Variants in LRP5 observed in about 807,000 individuals in gnomAD.
LRP5 encodes LDL receptor related protein 5, also known as low-density lipoprotein receptor-related protein 5.
A neutral mutation model predicts 154.1 loss-of-function variants in LRP5; 62 were observed. The ratio of observed to expected loss-of-function variants is 0.40; its 90% confidence interval spans 0.33 to 0.50. The LOEUF is 0.50. LRP5 is among the 20% of genes least tolerant of loss of function. LRP5 has a pLI of 0.55. For synonymous variants in LRP5, 966 were observed against 1,011.5 expected (o/e 0.96, Z 0.85); for missense variants, 1,915 against 2,336.7 (o/e 0.82, Z 3.72).
chr11:68,404,605 G>A (rs541339596), intron 8 of LRP5, among the ~76,000 whole-genome samples: 1 of 152,104 alleles, frequency 6.6e-6, no homozygotes, highest in African/African-American at 2.4e-5. Context: ...GGCCTTCATC[G>A]CACCCTGCAG....
intron 1 of LRP5, among the ~76,000 whole-genome samples, chr11:68,338,074 T>C (rs1485529679): frequency 6.6e-6 from 1 of 152,172 alleles, no homozygotes; most frequent in Non-Finnish European, 1.5e-5. Flanking sequence ...GCAGGCTCCT[T>C]GACTCTGGAG....
intron 7 of LRP5, among the ~76,000 whole-genome samples, chr11:68,393,826 C>G (rs987027689): frequency 6.6e-6 from 1 of 152,156 alleles, no homozygotes; most frequent in Non-Finnish European, 1.5e-5. Flanking sequence ...TTAAAACATT[C>G]ATCACAGCCA....
rs1039528493 is a variant in LRP5, at chr11:68,342,707, G to A, written c.92-5140G>A. ...CCTGGCTGTGCCCACAGATGTCCCT[G>A]GGGCCTGCCGCTCCTGCCCGGCTCT... On this transcript the variant is annotated intron_variant, in intron 1 of 22. Coordinates refer to ENST00000294304, the MANE Select transcript of LRP5 (RefSeq NM_002335.4). 3.9e-5 allele frequency among the ~76,000 whole-genome samples: 6 copies of A among 152,236 alleles called. No homozygotes were observed. In the East Asian group the frequency reaches 1.2e-3, roughly 29 times the overall value.
At position 68,357,845 on chromosome 11, in the gene LRP5, C is replaced by T. The variant is rs2098624458; in HGVS notation, c.684C>T (p.Phe228=). ...ACCGTGCCAACCTGGACGGCTCGTT[C>T]CGGTAGGTACCCACGCAGTCCTGGG... ...FIHRANLDGS[F]RQKVVEGSLT... is the part of the protein sequence containing the mutation. Residue 228 remains phenylalanine (F), a splice_region_variant and synonymous_variant, in exon 3 of 23, where the codon TTC becomes TTT. Coordinates refer to ENST00000294304, the MANE Select transcript of LRP5 (RefSeq NM_002335.4). 1 of 1,610,518 alleles carries T rather than the reference C, an allele frequency of 6.2e-7. No individual in the cohort carries two copies. The highest frequency in any genetic ancestry group is 1.3e-5 in the African/African-American group (1 of 74,794).
chr11:68,355,556 G>A (rs192467468), intron 2 of LRP5, among the ~76,000 whole-genome samples: 2 of 152,296 alleles, frequency 1.3e-5, no homozygotes, highest in South Asian at 2.1e-4. Context: ...TCTGGTCTCC[G>A]CTGAGAGTCA....
chr11:68,438,529 G>A lies in LRP5; in HGVS notation c.4195G>A (p.Val1399Ile), dbSNP rs113315676. ...PVIGIILSLFVMGGVYFVCQR... is the reference protein window; with the variant it reads ...PVIGIILSLFIMGGVYFVCQR... Reference sequence around the variant, plus strand: ...CATTGGCATCATCCTCTCTCTCTTCGTCATGGGTGGTGTCTATTTTGTGTG... The same window carrying A: ...CATTGGCATCATCCTCTCTCTCTTCATCATGGGTGGTGTCTATTTTGTGTG... Residue 1399 changes from valine to isoleucine, a missense_variant, in exon 20 of 23, where the codon GTC becomes ATC. This residue lies in a region of LRP5 where 1,094 missense variants were observed against 1,210.1 expected (regional missense o/e 0.90). Coordinates refer to ENST00000294304, the MANE Select transcript of LRP5 (RefSeq NM_002335.4). 1.7e-4 allele frequency: 281 copies of A among 1,614,192 alleles called. No individual in the cohort carries two copies. The African/African-American group carries it at 3.4e-3, about 19-fold the overall frequency.
At chr11:68,444,821 TCTGCTGCCTCC>T (rs1317722457) in intron 21 of LRP5, among the ~76,000 whole-genome samples, 1 of 152,032 alleles carries the variant, frequency 6.6e-6, no homozygotes, top group Non-Finnish European at 1.5e-5. Context: ...GGAAGCCCTC[TCTGCTGCCTCC>T]CTGCCTGCTC....
Position 68,312,668 on chromosome 11 carries a change from T to G in LRP5, c.-47T>G. The G allele has an allele frequency of 3.4e-6, 3 of 872,906 alleles. No homozygotes were observed. Among genetic ancestry groups the G allele is most frequent in the Non-Finnish European group, 4.1e-6 (3 of 727,400 alleles). 54.1% of individuals were successfully genotyped at this position (872,906 alleles called of 1,614,324 possible). On this transcript the variant is annotated 5_prime_UTR_variant, in exon 1 of 23. The change abolishes an upstream ATG in the 5' untranslated region. Coordinates refer to ENST00000294304, the MANE Select transcript of LRP5 (RefSeq NM_002335.4). ...GCGAGGAGCCGCCGCCGCCGCGCCA[T>G]GGAGCCCGAGTGAGCGCGGCGCGGG...
Position 68,413,619 on chromosome 11 carries a change from C to G in LRP5, c.2504-70C>G. The G allele has an allele frequency of 7.0e-7, 1 of 1,429,724 alleles. No homozygotes were observed. The highest frequency in any genetic ancestry group is 9.8e-7 in the Non-Finnish European group (1 of 1,015,828). The allele number at this position is 1,429,724 out of a possible 1,614,324, so 88.6% of individuals were successfully genotyped here. On this transcript the variant is annotated intron_variant, in intron 11 of 22. Coordinates refer to ENST00000294304, the MANE Select transcript of LRP5 (RefSeq NM_002335.4). This position sits in a 1 kb window ranked among gnomAD's most constrained non-coding sequence, Gnocchi z 5.1. ...TGCAGGGTTGAACCCTGGCTCACCCCGCAGGGCGCCGTGTGCTCTGTGGCC... is the reference window on the plus strand; with the variant it reads ...TGCAGGGTTGAACCCTGGCTCACCCGGCAGGGCGCCGTGTGCTCTGTGGCC...
chr11:68,316,061 A>G (rs2098593183), intron 1 of LRP5, among the ~76,000 whole-genome samples: 1 of 152,156 alleles, frequency 6.6e-6, no homozygotes, highest in South Asian at 2.1e-4. Flanking sequence ...CCATCACCCC[A>G]AAATAAAACC....
the LRP5 span, among the ~76,000 whole-genome samples, chr11:68,306,387 C>T: frequency 0.054 from 8,153 of 152,142 alleles, 281 homozygotes; most frequent in Middle Eastern, 0.088. Flanking sequence ...CCACCCACCT[C>T]GGCCTCTCAA....
At position 68,386,157 on chromosome 11, in the gene LRP5, G is replaced by A. The variant is rs1240943029; in HGVS notation, c.1016-159G>A. On this transcript the variant is annotated intron_variant, in intron 5 of 22. Coordinates refer to ENST00000294304, the MANE Select transcript of LRP5 (RefSeq NM_002335.4). The surrounding 1 kb of genome is among the most constrained non-coding windows in gnomAD (Gnocchi z 7.9). ...GTCATGAGGATGAACGAGTGACCAT[G>A]TAGCATGGGCTGGGTGCGTGTCACC... 6.6e-6 allele frequency among the ~76,000 whole-genome samples: 1 copy of A among 152,176 alleles called. No homozygotes were observed. The highest frequency in any genetic ancestry group is 2.4e-5 in the African/African-American group (1 of 41,448).
intron 2 of LRP5, among the ~76,000 whole-genome samples, chr11:68,355,706 C>A (rs2098622586): frequency 6.6e-6 from 1 of 152,180 alleles, no homozygotes; most frequent in Non-Finnish European, 1.5e-5. Context: ...CGTAAGGGCG[C>A]CCTGAGGATG....
In LRP5 at chr11:68,372,430, G is replaced by GTGT; in HGVS notation, c.1015+6728_1015+6729insTGT. ...GTCAGGCAGACCCGGGACCGTGGCGGCGAGGAGGTGCAGCGTCAGGCGGAC... is the reference window on the plus strand; with the variant it reads ...GTCAGGCAGACCCGGGACCGTGGCGGTGTCGAGGAGGTGCAGCGTCAGGCGGAC... On this transcript the variant is annotated intron_variant, in intron 5 of 22. Transcript: ENST00000294304. 2.0e-5 allele frequency among the ~76,000 whole-genome samples: 3 copies of GTGT among 146,506 alleles called. No individual in the cohort carries two copies. The South Asian group carries it at 6.5e-4, about 32-fold the overall frequency.
Position 68,345,940 on chromosome 11 carries a change from A to T in LRP5, c.92-1907A>T, listed in dbSNP as rs377599428. 1.1e-3 allele frequency among the ~76,000 whole-genome samples: 163 copies of T among 152,060 alleles called. 1 individual carries two copies. In the South Asian group the frequency reaches 0.013, roughly 12 times the overall value. On this transcript the variant is annotated intron_variant, in intron 1 of 22. Coordinates refer to ENST00000294304, the MANE Select transcript of LRP5 (RefSeq NM_002335.4). ...TTAGGGATATATTAAGCCTGTTTTGATGTGTTTATTGGCCATTTATATGTC... is the reference window on the plus strand; with the variant it reads ...TTAGGGATATATTAAGCCTGTTTTGTTGTGTTTATTGGCCATTTATATGTC...
Position 68,312,772 on chromosome 11 carries a change from C to T in LRP5, c.58C>T (p.Leu20=). 9.2e-7 allele frequency: 1 copy of T among 1,090,190 alleles called. No homozygotes were observed. Among genetic ancestry groups the T allele is most frequent in the Non-Finnish European group, 1.1e-6 (1 of 892,190 alleles). The allele number at this position is 1,090,190 out of a possible 1,614,324, so 67.5% of individuals were successfully genotyped here. A position where few individuals can be genotyped will look rare whatever the true frequency, so the allele number is the denominator to read the frequency against. ...WPLLLLLLLL[L]ALCGCPAPAA... is the part of the protein sequence containing the mutation. ...GCTGCTGCTGCTGCTGCTGCTGCTG[C>T]TGGCGCTGTGCGGCTGCCCGGCCCC... The change falls in exon 1 of 23, where the codon CTG becomes TTG. Residue 20 remains leucine (L), a synonymous_variant. Coordinates refer to ENST00000294304, the MANE Select transcript of LRP5 (RefSeq NM_002335.4).
chr11:68,424,732 C>CT (rs1247538363), intron 14 of LRP5, among the ~76,000 whole-genome samples: 3 of 152,212 alleles, frequency 2.0e-5, no homozygotes, highest in African/African-American at 7.2e-5. Flanking sequence ...CTTCTGGTGG[C>CT]TCCAGGCACC....
At chr11:68,395,435 G>A (rs2098648755) in intron 7 of LRP5, among the ~76,000 whole-genome samples, 1 of 152,076 alleles carries the variant, frequency 6.6e-6, no homozygotes, top group African/African-American at 2.4e-5. Flanking sequence ...ACGATTTGGA[G>A]CTCATCACTG....
chr11:68,346,238 C>A (rs750367184), intron 1 of LRP5, among the ~76,000 whole-genome samples: 33 of 152,346 alleles, frequency 2.2e-4, no homozygotes, highest in Non-Finnish European at 3.8e-4. Context: ...CACAGTGTCC[C>A]TCGTTGCCAC....
Sources: gnomAD v4.1 joint callset for allele counts (sites outside exome capture counted in the v4.1 genomes callset) on GRCh38, gnomAD v4.1.1 for gene constraint, gnomAD v4.1.1 regional missense constraint, Gnocchi (gnomAD v3.1) non-coding constraint, MANE v1.5 for transcripts, NCBI Gene and HGNC (gene_info 2026-07-23, HGNC 2026-07-21) for gene names.